The following SNTG2 variants were observed in gnomAD, a reference collection of about 807,000 sequenced individuals.
SNTG2 encodes gamma-2-syntrophin.
Under a neutral mutation model 70.9 loss-of-function variants are expected in SNTG2, and 74 were observed. The ratio of observed to expected loss-of-function variants is 1.04; its 90% confidence interval spans 0.86 to 1.27. The LOEUF is 1.27. SNTG2 is among the 50% of genes most tolerant of loss of function. The pLI is 0.00. For missense variants in SNTG2, 717 were observed against 690.7 expected, an observed-to-expected ratio of 1.04 and a Z score of -0.43; for synonymous variants, 278 against 273.8, an observed-to-expected ratio of 1.02 and a Z score of -0.15.
intron 1 of SNTG2, among the ~76,000 whole-genome samples, chr2:1,073,686 A>G (rs1339601076): frequency 2.0e-5 from 3 of 152,248 alleles, no homozygotes; most frequent in Non-Finnish European, 4.4e-5. Flanking sequence ...AAGTAGATGT[A>G]ATAACATTAT....
chr2:1,208,249 G>A (rs1405734178), intron 8 of SNTG2, among the ~76,000 whole-genome samples: 1 of 151,666 alleles, frequency 6.6e-6, no homozygotes, highest in Non-Finnish European at 1.5e-5. Flanking sequence ...GGGCACACCT[G>A]TGAGTGTGAG....
At chr2:1,172,957 C>T in intron 7 of SNTG2, 135 bp from the exon 8 acceptor site, 1 of 738,908 alleles carries the variant, frequency 1.4e-6, no homozygotes, top group South Asian at 1.7e-5. Flanking sequence ...TGGGGATGAC[C>T]CAGCCCATAA....
chr2:1,048,044 G>T (rs10189974), intron 1 of SNTG2, among the ~76,000 whole-genome samples: 36,780 of 151,702 alleles, frequency 0.24, 4,666 homozygotes, highest in African/African-American at 0.32. Flanking sequence ...TAATATTTTT[G>T]TACTTCTTAA....
chr2:1,051,430 T>C (rs1168327944), intron 1 of SNTG2, among the ~76,000 whole-genome samples: 1 of 152,182 alleles, frequency 6.6e-6, no homozygotes, highest in Non-Finnish European at 1.5e-5. Flanking sequence ...GTCAACACTT[T>C]TTTGAGATTA....
At chr2:1,101,011 C>T (rs1330988356) in intron 4 of SNTG2, among the ~76,000 whole-genome samples, 2 of 152,162 alleles carry the variant, frequency 1.3e-5, no homozygotes, top group Non-Finnish European at 2.9e-5. Flanking sequence ...TGAGTGTGGT[C>T]AGGAGAAACT....
chr2:978,174 C>T (rs1660977027), intron 1 of SNTG2, among the ~76,000 whole-genome samples: 1 of 152,138 alleles, frequency 6.6e-6, no homozygotes, highest in Non-Finnish European at 1.5e-5. Context: ...CAGTGAGGGG[C>T]CTGGAGTGCC....
chr2:1,001,516 A>G (rs1659394899), intron 1 of SNTG2, among the ~76,000 whole-genome samples: 1 of 152,082 alleles, frequency 6.6e-6, no homozygotes, highest in Non-Finnish European at 1.5e-5. Flanking sequence ...TTCCATGTAC[A>G]ATAGCTACAA....
chr2:1,125,866 TTTAA>T (rs1667668965), intron 4 of SNTG2, among the ~76,000 whole-genome samples: 1 of 152,154 alleles, frequency 6.6e-6, no homozygotes. Flanking sequence ...CTGTGTTTTT[TTTAA>T]TTAACACATA....
chr2:1,267,772 A>G (rs36193973), intron 14 of SNTG2, among the ~76,000 whole-genome samples: 32,356 of 152,094 alleles, frequency 0.21, 4,743 homozygotes, highest in African/African-American at 0.41. Context: ...GTGGAAGGGA[A>G]GGGGAGGAGA....
At chr2:1,326,690 A>C (rs1283489943) in intron 16 of SNTG2, among the ~76,000 whole-genome samples, 1 of 152,188 alleles carries the variant, frequency 6.6e-6, no homozygotes, top group Non-Finnish European at 1.5e-5. Context: ...CTTGCTCAAA[A>C]CAAAAAAAAT....
intron 14 of SNTG2, among the ~76,000 whole-genome samples, chr2:1,300,770 A>G (rs540745380): frequency 2.9e-4 from 44 of 152,196 alleles, no homozygotes; most frequent in Non-Finnish European, 4.7e-4. Flanking sequence ...AATTTTTAAT[A>G]TATTTGAAAA....
chr2:1,166,455 G>C (rs556568884), intron 7 of SNTG2, among the ~76,000 whole-genome samples: 1 of 152,274 alleles, frequency 6.6e-6, no homozygotes, highest in African/African-American at 2.4e-5. Flanking sequence ...GGTTCATATT[G>C]ACTGTTTTAC....
At chr2:1,063,879 C>A (rs1662982940) in intron 1 of SNTG2, among the ~76,000 whole-genome samples, 1 of 152,152 alleles carries the variant, frequency 6.6e-6, no homozygotes, top group Admixed American at 6.5e-5. Flanking sequence ...TTTGAACATA[C>A]AATGGCCACG....
chr2:1,101,657 C>A (rs79578881), intron 4 of SNTG2, among the ~76,000 whole-genome samples: 3,828 of 152,296 alleles, frequency 0.025, 160 homozygotes, highest in African/African-American at 0.084. Flanking sequence ...AGAGCATACC[C>A]TCTACCCCAC....
chr2:1,089,728 C>G (rs1189558298), intron 2 of SNTG2, among the ~76,000 whole-genome samples: 2 of 152,186 alleles, frequency 1.3e-5, no homozygotes, highest in African/African-American at 4.8e-5. Context: ...GCGCGTCACT[C>G]AAGTAGAACT....
intron 4 of SNTG2, among the ~76,000 whole-genome samples, chr2:1,115,760 G>A (rs1380105888): frequency 6.6e-6 from 1 of 152,130 alleles, no homozygotes; most frequent in East Asian, 1.9e-4. Context: ...AGGATCGTGT[G>A]TACTAAGTGA....
chr2:1,124,591 C>T (rs112431336), intron 4 of SNTG2, among the ~76,000 whole-genome samples: 2,804 of 152,240 alleles, frequency 0.018, 100 homozygotes, highest in African/African-American at 0.063. Context: ...CCACCGCGCC[C>T]GGCCTACTCA....
intron 8 of SNTG2, among the ~76,000 whole-genome samples, chr2:1,196,756 T>C (rs919833189): frequency 6.6e-6 from 1 of 152,118 alleles, no homozygotes; most frequent in Non-Finnish European, 1.5e-5. Flanking sequence ...AAAACACTTC[T>C]AGCCAAGAAT....
chr2:1,111,295 G>A (rs1190355242), intron 4 of SNTG2, among the ~76,000 whole-genome samples: 13 of 152,204 alleles, frequency 8.5e-5, no homozygotes, highest in Non-Finnish European at 1.5e-4. Flanking sequence ...TGAAGTGTGC[G>A]TGCTGTGCAC....
Sources: allele counts gnomAD v4.1 joint callset (sites outside exome capture counted in the v4.1 genomes callset), GRCh38; gene constraint gnomAD v4.1.1; transcripts MANE v1.5; gene names NCBI Gene and HGNC (gene_info 2026-07-23, HGNC 2026-07-21).